The following KCNK13 variants were observed in gnomAD, a reference collection of about 807,000 sequenced individuals.
The protein encoded by KCNK13 is potassium two pore domain channel subfamily K member 13.
In KCNK13, 12 loss-of-function variants were observed where a neutral mutation model predicts 23.4. That is an observed-to-expected ratio of 0.51 (90% CI 0.33 to 0.83). The LOEUF is 0.83. Among genes scored for constraint, KCNK13 ranks in the 40% least tolerant of loss-of-function variants. The pLI is 0.02. For synonymous variants in KCNK13, 231 were observed against 229.5 expected, an observed-to-expected ratio of 1.01 and a Z score of -0.06; for missense variants, 463 against 556.3, an observed-to-expected ratio of 0.83 and a Z score of 1.69.
chr14:90,157,520 C>T (rs1306068785), intron 1 of KCNK13, among the ~76,000 whole-genome samples: 3 of 151,804 alleles, frequency 2.0e-5, no homozygotes, highest in African/African-American at 7.3e-5. Flanking sequence ...TCCGGCCTCC[C>T]GAGTAGCTGA....
Position 90,062,673 on chromosome 14 carries a change from C to A in KCNK13, c.334+134C>A. The stretch of plus-strand genomic sequence containing the variant: ...AGACTCCACTGACATGAGCTGTCGC[C>A]TGATCAACAGGTGGTATTGCCTCCC... On this transcript the variant is annotated intron_variant, in intron 1 of 1. Coordinates refer to ENST00000282146, the MANE Select transcript of KCNK13 (RefSeq NM_022054.4). The surrounding 1 kb of genome is among the most constrained non-coding windows in gnomAD (Gnocchi z 4.5). 1 of 638,558 alleles carries A rather than the reference C, an allele frequency of 1.6e-6. No homozygotes were observed. 39.6% of individuals were successfully genotyped at this position (638,558 alleles called of 1,614,324 possible).
At chr14:90,166,378 A>T (rs1890302529) in intron 1 of KCNK13, among the ~76,000 whole-genome samples, 1 of 152,192 alleles carries the variant, frequency 6.6e-6, no homozygotes, top group Non-Finnish European at 1.5e-5. Context: ...AGCCTGTAAC[A>T]TATTTTTTAG....
intron 1 of KCNK13, among the ~76,000 whole-genome samples, chr14:90,138,166 TTTA>T (rs1265377671): frequency 6.6e-6 from 1 of 152,220 alleles, no homozygotes; most frequent in Non-Finnish European, 1.5e-5. Flanking sequence ...TGTAAATAGC[TTTA>T]TTATTATTTT....
chr14:90,071,897 CA>C (rs778743886), intron 1 of KCNK13, among the ~76,000 whole-genome samples: 169 of 131,520 alleles, frequency 1.3e-3, no homozygotes, highest in Admixed American at 1.4e-3. Context: ...GACTCCATCT[CA>C]AAAAAAAAAA....
chr14:90,107,743 C>G, intron 1 of KCNK13: 1 of 800,140 alleles, frequency 1.2e-6, no homozygotes, highest in Non-Finnish European at 2.3e-6. Flanking sequence ...AGCCCACCTT[C>G]CCATTCTGCA....
intron 1 of KCNK13, among the ~76,000 whole-genome samples, chr14:90,165,792 T>C (rs1890296034): frequency 6.6e-6 from 1 of 152,242 alleles, no homozygotes; most frequent in South Asian, 2.1e-4. Flanking sequence ...TTATTGCTTC[T>C]AGCATTCATT....
chr14:90,131,379 G>A (rs1040689799), intron 1 of KCNK13, among the ~76,000 whole-genome samples: 3 of 151,706 alleles, frequency 2.0e-5, no homozygotes, highest in African/African-American at 7.3e-5. Flanking sequence ...CTACAGGCAC[G>A]TGCCACCACA....
chr14:90,078,002 C>T (rs923793865), intron 1 of KCNK13, among the ~76,000 whole-genome samples: 1 of 152,196 alleles, frequency 6.6e-6, no homozygotes, highest in Non-Finnish European at 1.5e-5. Flanking sequence ...ATCCTTTTGG[C>T]TCCAGATGTT....
intron 1 of KCNK13, among the ~76,000 whole-genome samples, chr14:90,181,266 A>G (rs575429074): frequency 1.3e-4 from 20 of 152,270 alleles, no homozygotes; most frequent in African/African-American, 4.8e-4. Context: ...GCTATAAGAA[A>G]ATACTGAAGA....
intron 1 of KCNK13, among the ~76,000 whole-genome samples, chr14:90,064,452 G>A (rs1277777153): frequency 6.6e-6 from 1 of 152,146 alleles, no homozygotes; most frequent in Non-Finnish European, 1.5e-5. Context: ...GGGCTTTGGG[G>A]ATACGAATAT....
At chr14:90,097,966 A>T (rs969139498) in intron 1 of KCNK13, among the ~76,000 whole-genome samples, 2 of 152,132 alleles carry the variant, frequency 1.3e-5, no homozygotes, top group Non-Finnish European at 2.9e-5. Context: ...AAACAGGGAG[A>T]ATTCATCACA....
chr14:90,183,088 C>A (rs1890506583), intron 1 of KCNK13, among the ~76,000 whole-genome samples: 1 of 152,076 alleles, frequency 6.6e-6, no homozygotes, highest in African/African-American at 2.4e-5. Flanking sequence ...TTTTCTATTT[C>A]TGTTTTTCTT....
intron 1 of KCNK13, among the ~76,000 whole-genome samples, chr14:90,135,576 G>A (rs17223831): frequency 0.14 from 20,705 of 152,162 alleles, 1,824 homozygotes; most frequent in Admixed American, 0.28. Context: ...TCACAGGCCC[G>A]TGGACAGACG....
chr14:90,117,752 A>G (rs1385898597), intron 1 of KCNK13, among the ~76,000 whole-genome samples: 7 of 152,178 alleles, frequency 4.6e-5, no homozygotes, highest in African/African-American at 1.7e-4. Context: ...AGTGTTGTGC[A>G]CCCATTACCT....
intron 1 of KCNK13, among the ~76,000 whole-genome samples, chr14:90,114,714 C>G (rs1423014189): frequency 6.6e-6 from 1 of 152,164 alleles, no homozygotes; most frequent in African/African-American, 2.4e-5. Context: ...GTGTCTCCAC[C>G]ACCAGGAGGT....
intron 1 of KCNK13, among the ~76,000 whole-genome samples, chr14:90,086,769 T>G (rs535472105): frequency 6.6e-6 from 1 of 152,150 alleles, no homozygotes; most frequent in African/African-American, 2.4e-5. Flanking sequence ...ATTGAGTTCT[T>G]ACTATTGGCC....
intron 1 of KCNK13, among the ~76,000 whole-genome samples, chr14:90,183,111 T>C (rs1463100443): frequency 2.6e-5 from 4 of 152,202 alleles, no homozygotes; most frequent in African/African-American, 9.6e-5. Flanking sequence ...TAACATCCAT[T>C]GTTCTACAAT....
At chr14:90,132,149 A>G (rs1889882428) in intron 1 of KCNK13, among the ~76,000 whole-genome samples, 1 of 152,268 alleles carries the variant, frequency 6.6e-6, no homozygotes, top group Admixed American at 6.5e-5. Flanking sequence ...ATGAACTTTG[A>G]GGACATTATG....
intron 1 of KCNK13, among the ~76,000 whole-genome samples, chr14:90,126,494 C>T (rs1596789106): frequency 6.6e-6 from 1 of 151,670 alleles, no homozygotes; most frequent in African/African-American, 2.4e-5. Flanking sequence ...AGCACTTCCC[C>T]TCTCTGGCCT....
Sources: allele counts gnomAD v4.1 joint callset (sites outside exome capture counted in the v4.1 genomes callset), GRCh38; gene constraint gnomAD v4.1.1; non-coding constraint Gnocchi (gnomAD v3.1); transcripts MANE v1.5; gene names NCBI Gene and HGNC (gene_info 2026-07-23, HGNC 2026-07-21).